RETREG3: variants seen among roughly 807,000 people sequenced by gnomAD.
RETREG3 encodes the protein reticulophagy regulator 3.
In RETREG3, 23 loss-of-function variants were observed where a neutral mutation model predicts 50.2. That is an observed-to-expected ratio of 0.46 (90% CI 0.33 to 0.65). RETREG3 has a LOEUF of 0.65. Ranked by LOEUF, RETREG3 falls within the 30% of genes least tolerant of loss-of-function variation. The pLI, the probability that RETREG3 is intolerant of heterozygous loss-of-function variation, is 0.02. For synonymous variants in RETREG3, 240 were observed against 234.4 expected (o/e 1.02, Z -0.22); for missense variants, 546 against 598.0 (o/e 0.91, Z 0.91).
rs1248258396 is a variant in RETREG3, at chr17:42,580,681, TG to T, written c.*1131del. The stretch of plus-strand genomic sequence containing the variant: ...CTGGGGTTCAGGCCCCAAGAAATGA[TG>T]GGCTAGATGAGAGGGAGCAGGCCTG... On this transcript the variant is annotated 3_prime_UTR_variant, in exon 9 of 9. Transcript: ENST00000309428. 1 of 151,510 alleles carries T rather than the reference TG, an allele frequency of 6.6e-6. No homozygotes were observed. Among genetic ancestry groups the T allele is most frequent in the African/African-American group, 2.4e-5 (1 of 40,920 alleles). 9.4% of individuals were successfully genotyped at this position (151,510 alleles called of 1,614,324 possible).
intron 1 of RETREG3, among the ~76,000 whole-genome samples, chr17:42,601,441 T>A (rs1238086721): frequency 7.2e-6 from 1 of 139,742 alleles, no homozygotes; most frequent in Non-Finnish European, 1.6e-5. Context: ...GGAGTGGTGG[T>A]GGGCGCCTGG....
intron 1 of RETREG3, among the ~76,000 whole-genome samples, chr17:42,596,273 T>C (rs1395042969): frequency 7.0e-6 from 1 of 142,538 alleles, no homozygotes; most frequent in Non-Finnish European, 1.5e-5. Context: ...TCAGGAGGCT[T>C]GCTTGAGCCT....
At chr17:42,603,207 T>C (rs998860415) in intron 1 of RETREG3, among the ~76,000 whole-genome samples, 4 of 152,172 alleles carry the variant, frequency 2.6e-5, no homozygotes, top group Admixed American at 1.3e-4. Flanking sequence ...AACTATACCA[T>C]GGAGCCTCAC....
rs71157646 is a variant in RETREG3, at chr17:42,597,497, TTGTGTG to T, written c.240-5341_240-5336del. Among the ~76,000 whole-genome samples, 171 of 116,724 alleles carry T rather than the reference TTGTGTG, an allele frequency of 1.5e-3. 3 individuals are homozygous for T. The Middle Eastern group carries it at 0.017, about 12-fold the overall frequency. 76.6% of individuals were successfully genotyped at this position (116,724 alleles called of 152,430 possible). A position where few individuals can be genotyped will look rare whatever the true frequency, so the allele number is the denominator to read the frequency against. On this transcript the variant is annotated intron_variant, in intron 1 of 8. Coordinates refer to ENST00000309428, the MANE Select transcript of RETREG3 (RefSeq NM_178126.4). ...CCACCGCGCCCAGCCAGAATCTATT[TTGTGTG>T]TGTGTGTGTGTGTGTGTGTGTATAT... is the stretch of plus-strand genomic sequence containing the variant.
intron 1 of RETREG3, among the ~76,000 whole-genome samples, chr17:42,603,301 TTTG>T (rs2093161768): frequency 1.3e-5 from 2 of 152,208 alleles, no homozygotes; most frequent in African/African-American, 4.8e-5. Context: ...TCTAGGTTCC[TTTG>T]TTATTACAGA....
rs773486608 is a variant in RETREG3, at chr17:42,609,104, C to G, written c.221G>C (p.Gly74Ala). ...RPARSALWCL[G>A]LNAAFWFFAL... The stretch of plus-strand genomic sequence containing the variant: ...CTCTCACCAGAAAGCCGCGTTCAGC[C>G]CCAGGCACCACAGAGCGCTCCTAGC... Residue 74 changes from glycine to alanine, a missense_variant, in exon 1 of 9, where the codon GGG (glycine) becomes GCG (alanine). Gly to Ala is a moderately conservative substitution (Grantham distance 60, BLOSUM62 0). Coordinates refer to ENST00000309428, the MANE Select transcript of RETREG3 (RefSeq NM_178126.4). The G allele has an allele frequency of 6.2e-6, 10 of 1,607,344 alleles. 1 individual carries two copies. In the South Asian group the frequency reaches 1.1e-4, roughly 18 times the overall value.
chr17:42,585,384 G>C, intron 5 of RETREG3, 122 bp from the exon 6 acceptor site: 1 of 1,367,740 alleles, frequency 7.3e-7, no homozygotes, highest in Non-Finnish European at 9.8e-7. Context: ...ATCTGCCCAA[G>C]TCTGCCAGTC....
chr17:42,602,740 A>G (rs2093160859), intron 1 of RETREG3, among the ~76,000 whole-genome samples: 2 of 152,182 alleles, frequency 1.3e-5, no homozygotes, highest in South Asian at 4.1e-4. Context: ...CCAGGAGTTC[A>G]AGACCAGCCT....
chr17:42,586,215 A>G, intron 4 of RETREG3, 78 bp from the exon 5 acceptor site: 1 of 1,349,958 alleles, frequency 7.4e-7, no homozygotes, highest in Non-Finnish European at 1.1e-6. Flanking sequence ...TAGGGTAGAG[A>G]TATGACAGAA....
intron 1 of RETREG3, among the ~76,000 whole-genome samples, chr17:42,602,107 A>C (rs914493993): frequency 6.6e-6 from 1 of 151,862 alleles, no homozygotes; most frequent in Non-Finnish European, 1.5e-5. Flanking sequence ...CTTGAGGTCA[A>C]GAGTTCAAGA....
intron 1 of RETREG3, among the ~76,000 whole-genome samples, chr17:42,604,691 C>T (rs2093164530): frequency 9.1e-6 from 1 of 110,236 alleles, no homozygotes; most frequent in Non-Finnish European, 1.8e-5. Context: ...CCCGATTCCC[C>T]AGCAAAAAAA....
At position 42,582,142 on chromosome 17, in the gene RETREG3, A is replaced by G. The variant is rs1266294049; in HGVS notation, c.1072T>C (p.Tyr358His). Reference protein sequence around the residue: ...DTSIGMPSLMYRSPPGAEEPQ... With the variant: ...DTSIGMPSLMHRSPPGAEEPQ... Reference sequence around the variant, plus strand: ...TCCTCAGCCCCTGGCGGAGAACGGTACATCAAGCTGGGCATGCCAATGCTA... The same window carrying G: ...TCCTCAGCCCCTGGCGGAGAACGGTGCATCAAGCTGGGCATGCCAATGCTA... Residue 358 changes from tyrosine (Y) to histidine (H), a missense_variant, in exon 9 of 9, where the codon TAC (tyrosine) becomes CAC (histidine). Coordinates refer to ENST00000309428, the MANE Select transcript of RETREG3 (RefSeq NM_178126.4). 1.3e-5 allele frequency: 21 copies of G among 1,614,138 alleles called. No individual in the cohort carries two copies. Among genetic ancestry groups the G allele is most frequent in the Non-Finnish European group, 1.7e-5 (20 of 1,180,024 alleles).
chr17:42,607,889 G>A (rs2093171174), intron 1 of RETREG3, among the ~76,000 whole-genome samples: 1 of 152,030 alleles, frequency 6.6e-6, no homozygotes. Flanking sequence ...TTTGCTAAAG[G>A]CTCTGGAAGC....
upstream of RETREG3, chr17:42,609,404 C>G (rs953173281): frequency 1.4e-6 from 2 of 1,457,234 alleles, no homozygotes; most frequent in Non-Finnish European, 1.8e-6. Flanking sequence ...CGCGATTCGG[C>G]GGGGGAGGTG....
In RETREG3 at chr17:42,581,421, T is replaced by C. The variant is rs1004183623; in HGVS notation, c.*392A>G. 1.7e-5 allele frequency: 3 copies of C among 173,020 alleles called. No individual in the cohort carries two copies. Among genetic ancestry groups the C allele is most frequent in the Non-Finnish European group, 3.7e-5 (3 of 82,088 alleles). The allele number at this position is 173,020 out of a possible 1,614,324, so 10.7% of individuals were successfully genotyped here. A position where few individuals can be genotyped will look rare whatever the true frequency, so the allele number is the denominator to read the frequency against. The stretch of plus-strand genomic sequence containing the variant: ...CCAGCTGCTGCCTGACTTTGGGGGC[T>C]CTAGAGAGGCGATGAAAGGAGGAAG... On this transcript the variant is annotated 3_prime_UTR_variant, in exon 9 of 9. Coordinates refer to ENST00000309428, the MANE Select transcript of RETREG3 (RefSeq NM_178126.4).
chr17:42,601,341 G>T (rs2093158036), intron 1 of RETREG3, among the ~76,000 whole-genome samples: 1 of 151,590 alleles, frequency 6.6e-6, no homozygotes, highest in Non-Finnish European at 1.5e-5. Context: ...GGGAGGCTGA[G>T]GCAGGCAGAT....
chr17:42,597,611 ATATATATATTTTTTTTT>A (rs1567925520), intron 1 of RETREG3, among the ~76,000 whole-genome samples: 9,016 of 34,276 alleles, frequency 0.26, 981 homozygotes, highest in Non-Finnish European at 0.31. Flanking sequence ...ATATATATAT[ATATATATATTTTTTTTT>A]TTTTTTTTTT....
At chr17:42,598,519 TTCCC>T (rs1472144876) in intron 1 of RETREG3, 1 of 152,120 alleles carries the variant, frequency 6.6e-6, no homozygotes, top group African/African-American at 2.4e-5. Context: ...CCCACACTGA[TTCCC>T]TCCCTTTGTT....
intron 2 of RETREG3, among the ~76,000 whole-genome samples, chr17:42,591,311 T>G (rs993053118): frequency 2.6e-5 from 4 of 152,204 alleles, no homozygotes; most frequent in African/African-American, 9.6e-5. Context: ...GTATTAGCTT[T>G]TTAAAAAGAC....
Sources: gnomAD v4.1 joint callset for allele counts (sites outside exome capture counted in the v4.1 genomes callset) on GRCh38, gnomAD v4.1.1 for gene constraint, MANE v1.5 for transcripts, NCBI Gene and HGNC (gene_info 2026-07-23, HGNC 2026-07-21) for gene names.